Variants in SAMD12 observed in about 807,000 individuals in gnomAD.
The protein encoded by SAMD12 is sterile alpha motif domain containing 12.
A neutral mutation model predicts 15.0 loss-of-function variants in SAMD12; 9 were observed. That is an observed-to-expected ratio of 0.60 (90% CI 0.36 to 1.05). The LOEUF (loss-of-function observed/expected upper bound fraction) is 1.05, where lower values mean the gene tolerates loss of function less well. Ranked by LOEUF, SAMD12 falls within the 50% of genes least tolerant of loss-of-function variation. SAMD12 has a pLI of 0.01. For missense variants in SAMD12, 230 were observed against 234.2 expected, an observed-to-expected ratio of 0.98 and a Z score of 0.12; for synonymous variants, 86 against 90.1, an observed-to-expected ratio of 0.96 and a Z score of 0.25.
the SAMD12 span, among the ~76,000 whole-genome samples, chr8:118,177,702 G>C: frequency 0.039 from 5,973 of 151,938 alleles, 166 homozygotes; most frequent in Middle Eastern, 0.061. Context: ...CAGCCTGGCT[G>C]ACAGAGTGAG....
At chr8:118,328,839 A>G (rs566399441) in intron 4 of SAMD12, among the ~76,000 whole-genome samples, 1 of 152,234 alleles carries the variant, frequency 6.6e-6, no homozygotes, top group African/African-American at 2.4e-5. Context: ...ATATCATCCT[A>G]TGTGTAACAC....
chr8:118,263,265 A>AAATGTTCAT (rs1266202698), intron 4 of SAMD12, among the ~76,000 whole-genome samples: 1 of 152,148 alleles, frequency 6.6e-6, no homozygotes, highest in African/African-American at 2.4e-5. Flanking sequence ...GTATTCAAAT[A>AAATGTTCAT]AATGTTCATT....
intron 2 of SAMD12, among the ~76,000 whole-genome samples, chr8:118,457,825 A>G (rs1363980636): frequency 4.6e-5 from 7 of 152,176 alleles, no homozygotes; most frequent in Admixed American, 4.6e-4. Flanking sequence ...CCAGCTCCCA[A>G]TCAGCACACA....
At chr8:118,572,745 T>C (rs1827050172) in intron 2 of SAMD12, among the ~76,000 whole-genome samples, 1 of 152,130 alleles carries the variant, frequency 6.6e-6, no homozygotes, top group South Asian at 2.1e-4. Context: ...CTCTTTCTTT[T>C]GTAAATTGTG....
At chr8:118,337,888 G>T (rs1406996629) in intron 4 of SAMD12, among the ~76,000 whole-genome samples, 2 of 152,180 alleles carry the variant, frequency 1.3e-5, no homozygotes, top group African/African-American at 2.4e-5. Flanking sequence ...TGTATGCTGA[G>T]GTTGCTAAGA....
At chr8:118,581,929 C>A (rs1011813713) in intron 1 of SAMD12, among the ~76,000 whole-genome samples, 5 of 152,060 alleles carry the variant, frequency 3.3e-5, no homozygotes, top group Non-Finnish European at 7.4e-5. Flanking sequence ...CCCAGGTCTC[C>A]ACTTCATCAA....
At chr8:118,188,683 T>C (rs1368665605), downstream of SAMD12, among the ~76,000 whole-genome samples, 1 of 152,194 alleles carries the variant, frequency 6.6e-6, no homozygotes. Context: ...CTCATTATGA[T>C]GTCTCCTTGA....
intron 4 of SAMD12, among the ~76,000 whole-genome samples, chr8:118,353,408 A>C (rs941160560): frequency 3.3e-5 from 5 of 151,988 alleles, no homozygotes; most frequent in African/African-American, 4.8e-5. Context: ...TAACAAGGTC[A>C]CAAGGGTGGA....
intron 1 of SAMD12, among the ~76,000 whole-genome samples, chr8:118,601,045 A>G (rs1389563981): frequency 2.0e-5 from 3 of 152,324 alleles, no homozygotes; most frequent in Admixed American, 1.3e-4. Context: ...AAGGCAAGCA[A>G]AATGCCTTGA....
intron 2 of SAMD12, among the ~76,000 whole-genome samples, chr8:118,455,984 C>T (rs567454541): frequency 2.8e-4 from 42 of 152,316 alleles, no homozygotes; most frequent in Middle Eastern, 3.4e-3. Context: ...TCCACACTTT[C>T]CACCTACAGT....
chr8:118,403,114 T>A lies in SAMD12; in HGVS notation c.323-23414A>T, dbSNP rs543088126. ...CACATATCTTCACACAAATAAGGCA[T>A]CACAAATATCTGTCTGTGAAGGGAA... On this transcript the variant is annotated intron_variant, in intron 3 of 3. Transcript: ENST00000314727. 7.9e-5 allele frequency among the ~76,000 whole-genome samples: 12 copies of A among 152,340 alleles called. No individual in the cohort carries two copies. In the East Asian group the frequency reaches 2.1e-3, roughly 27 times the overall value.
chr8:118,369,356 T>C (rs929123273), intron 4 of SAMD12, among the ~76,000 whole-genome samples: 1 of 152,304 alleles, frequency 6.6e-6, no homozygotes, highest in Middle Eastern at 3.4e-3. Context: ...GCTAGCCATA[T>C]GCAGAAAATT....
chr8:118,524,223 C>T (rs1825472519), intron 2 of SAMD12, among the ~76,000 whole-genome samples: 1 of 152,150 alleles, frequency 6.6e-6, no homozygotes, highest in South Asian at 2.1e-4. Context: ...GACCACTCCA[C>T]TGAGAGAGCT....
Position 118,439,908 on chromosome 8 carries a change from G to C in SAMD12, c.246C>G (p.Val82=). The C allele has an allele frequency of 1.2e-6, 2 of 1,613,610 alleles. No individual in the cohort carries two copies. ...GACAATGTTTCTTCAACCACTTGCAGACATCCTGCTGGGTCCATAGAGCCA... is the reference window on the plus strand; with the variant it reads ...GACAATGTTTCTTCAACCACTTGCACACATCCTGCTGGGTCCATAGAGCCA... The part of the protein sequence containing the change: ...KPVALWTQQD[V]CKWLKKHCPN... The change falls in exon 3 of 4, where the codon GTC becomes GTG. Residue 82 remains valine, a synonymous_variant. Transcript: ENST00000314727.
intron 4 of SAMD12, among the ~76,000 whole-genome samples, chr8:118,224,752 T>C (rs960908864): frequency 1.3e-5 from 2 of 152,168 alleles, no homozygotes; most frequent in African/African-American, 4.8e-5. Flanking sequence ...AAAGGCAAAA[T>C]TGCCTCCTTG....
Position 118,433,412 on chromosome 8 carries a change from C to CTTTT in SAMD12, c.322+6416_322+6419dup, listed in dbSNP as rs67140443. 2.8e-3 allele frequency among the ~76,000 whole-genome samples: 414 copies of CTTTT among 148,198 alleles called. 8 individuals carry two copies. The highest frequency in any genetic ancestry group is 6.3e-3 in the Admixed American group (94 of 14,934). ...TGTGTTTATTTCTCATTGAAAGGGT[C>CTTTT]TTTTTTTTTTTTCTTAAATTGATCC... On this transcript the variant is annotated intron_variant, in intron 3 of 3. Coordinates refer to ENST00000314727, the MANE Select transcript of SAMD12 (RefSeq NM_207506.3).
intron 3 of SAMD12, among the ~76,000 whole-genome samples, chr8:118,390,165 C>T (rs1458629567): frequency 6.8e-6 from 1 of 146,896 alleles, no homozygotes; most frequent in African/African-American, 2.5e-5. Context: ...CGCCACCATG[C>T]CTGGATAATG....
intron 4 of SAMD12, among the ~76,000 whole-genome samples, chr8:118,283,156 T>G (rs1246083045): frequency 6.6e-6 from 1 of 152,094 alleles, no homozygotes; most frequent in Non-Finnish European, 1.5e-5. Flanking sequence ...ATACTTTAAG[T>G]TTTAGGGTAC....
intron 2 of SAMD12, among the ~76,000 whole-genome samples, chr8:118,555,141 T>C (rs1037829776): frequency 6.6e-6 from 1 of 152,160 alleles, no homozygotes; most frequent in East Asian, 1.9e-4. Flanking sequence ...GCAGAGCAAA[T>C]GTGAGAATAA....
Sources: allele counts gnomAD v4.1 joint callset (sites outside exome capture counted in the v4.1 genomes callset), GRCh38; gene constraint gnomAD v4.1.1; transcripts MANE v1.5; gene names NCBI Gene and HGNC (gene_info 2026-07-23, HGNC 2026-07-21).